CRB1: variants seen among roughly 807,000 people sequenced by gnomAD.
CRB1 encodes the protein crumbs cell polarity complex component 1, also known as protein crumbs homolog 1.
CRB1 carries 83 observed loss-of-function variants against 120.0 expected under a neutral mutation model. The ratio of observed to expected loss-of-function variants is 0.69; its 90% CI spans 0.58 to 0.83. CRB1 has a LOEUF of 0.83. Among genes scored for constraint, CRB1 ranks in the 40% least tolerant of loss-of-function variants. CRB1 has a pLI of 0.00. For synonymous variants in CRB1, 625 were observed against 612.5 expected, an observed-to-expected ratio of 1.02 and a Z score of -0.30; for missense variants, 1,699 against 1,687.6, an observed-to-expected ratio of 1.01 and a Z score of -0.12.
intron 11 of CRB1, among the ~76,000 whole-genome samples, chr1:197,468,982 AC>A (rs1003503420): frequency 6.6e-6 from 1 of 151,210 alleles, no homozygotes; most frequent in Non-Finnish European, 1.5e-5. Flanking sequence ...CTCTGCTGGA[AC>A]CCCCCGGCCC....
At chr1:197,229,220 C>G in the CRB1 span, among the ~76,000 whole-genome samples, 1 of 152,262 alleles carries the variant, frequency 6.6e-6, no homozygotes, top group African/African-American at 2.4e-5. Context: ...CGTAGTAGCT[C>G]AAACTGACAG....
In CRB1 at chr1:197,294,508, A is replaced by G. The variant is rs372218724; in HGVS notation, c.70+26026A>G. ...TGGAAGACAGTGTGGAAATTCCTCA[A>G]GGATCTAGAACTAGAAATACCATTT... On this transcript the variant is annotated intron_variant, in intron 1 of 11. Coordinates refer to ENST00000367400, the MANE Select transcript of CRB1 (RefSeq NM_201253.3). Among the ~76,000 whole-genome samples, 103 of 152,266 alleles carry G rather than the reference A, an allele frequency of 6.8e-4. 3 individuals carry two copies. In the South Asian group the frequency reaches 0.021, roughly 31 times the overall value.
intron 1 of CRB1, among the ~76,000 whole-genome samples, chr1:197,291,225 G>C (rs1187522900): frequency 6.6e-6 from 1 of 151,744 alleles, no homozygotes; most frequent in Non-Finnish European, 1.5e-5. Context: ...TTTAAATAAA[G>C]ATGTTAATAA....
intron 5 of CRB1, among the ~76,000 whole-genome samples, chr1:197,419,714 C>T (rs1664186596): frequency 6.6e-6 from 1 of 151,376 alleles, no homozygotes; most frequent in Non-Finnish European, 1.5e-5. Flanking sequence ...GTGGCTCACA[C>T]CTGTAATCCC....
chr1:197,402,855 A>G (rs553497389), intron 5 of CRB1, among the ~76,000 whole-genome samples: 1 of 152,210 alleles, frequency 6.6e-6, no homozygotes, highest in South Asian at 2.1e-4. Flanking sequence ...CCAGTTTTCC[A>G]CTTTTCTGCC....
At position 197,379,489 on chromosome 1, in the gene CRB1, A is replaced by G. The variant is rs368508620; in HGVS notation, c.1171+22476A>G. 4.6e-5 allele frequency among the ~76,000 whole-genome samples: 7 copies of G among 151,348 alleles called. No individual in the cohort carries two copies. The East Asian group carries it at 1.4e-3, about 30-fold the overall frequency. On this transcript the variant is annotated intron_variant, in intron 5 of 11. Coordinates refer to ENST00000367400, the MANE Select transcript of CRB1 (RefSeq NM_201253.3). The stretch of plus-strand genomic sequence containing the variant: ...AAATTTTTTTGTATTTTTAGTGGAG[A>G]CAGGGTTTCACCGTGTTAGCCAGGA...
chr1:197,212,355 C>T, the CRB1 span, among the ~76,000 whole-genome samples: 1 of 152,116 alleles, frequency 6.6e-6, no homozygotes, highest in African/African-American at 2.4e-5. Flanking sequence ...TAGCCAAACA[C>T]TGGAAACAAC....
chr1:197,473,977 G>A (rs1667097054), intron 11 of CRB1, among the ~76,000 whole-genome samples: 1 of 152,160 alleles, frequency 6.6e-6, no homozygotes, highest in Admixed American at 6.5e-5. Flanking sequence ...GATACAGTTA[G>A]GGGAACTCTT....
intron 5 of CRB1, among the ~76,000 whole-genome samples, chr1:197,419,873 G>A (rs1344056381): frequency 6.6e-6 from 1 of 151,526 alleles, no homozygotes; most frequent in African/African-American, 2.4e-5. Context: ...TACTCGGGAG[G>A]CTGAGGCAGG....
At chr1:197,316,270 C>A (rs536219274) in intron 1 of CRB1, among the ~76,000 whole-genome samples, 121 of 152,206 alleles carry the variant, frequency 7.9e-4, no homozygotes, top group African/African-American at 2.7e-3. Context: ...CTGCAAGCTC[C>A]GCCTCCCGGG....
intron 5 of CRB1, among the ~76,000 whole-genome samples, chr1:197,381,390 A>G (rs899641316): frequency 3.3e-5 from 5 of 152,242 alleles, no homozygotes; most frequent in African/African-American, 1.2e-4. Flanking sequence ...TCAAATTATA[A>G]TAAACATGCA....
chr1:197,328,855 TG>T lies in CRB1; in HGVS notation c.506del (p.Gly169ValfsTer37), dbSNP rs1167867158. 8 of 1,613,850 alleles carry T rather than the reference TG, an allele frequency of 5.0e-6. No individual in the cohort carries two copies. The highest frequency in any genetic ancestry group is 5.9e-6 in the Non-Finnish European group (7 of 1,179,796). ...GGGCCGTGTGCCAGGATGGAATTGA[TG>T]GTTACTCCTGCTTCTGTGTCCCAGG... ...NGAVCQDGID[G>X]YSCFCVPGYQ... On this transcript the variant is annotated frameshift_variant, in exon 2 of 12. Coordinates refer to ENST00000367400, the MANE Select transcript of CRB1 (RefSeq NM_201253.3). LOFTEE classifies it high-confidence loss of function.
intron 5 of CRB1, among the ~76,000 whole-genome samples, chr1:197,370,990 A>G (rs1425912037): frequency 6.6e-6 from 1 of 152,172 alleles, no homozygotes; most frequent in East Asian, 1.9e-4. Flanking sequence ...TATCGCTGAT[A>G]ACCTTCCTAA....
the CRB1 span, among the ~76,000 whole-genome samples, chr1:197,261,151 A>T: frequency 6.6e-6 from 1 of 152,212 alleles, no homozygotes; most frequent in Admixed American, 6.5e-5. Flanking sequence ...ATTAATTTTT[A>T]AAAATCTATA....
chr1:197,414,867 T>C (rs1206731577), intron 5 of CRB1, among the ~76,000 whole-genome samples: 1 of 152,188 alleles, frequency 6.6e-6, no homozygotes, highest in East Asian at 1.9e-4. Context: ...TTATTTTACA[T>C]TGGACATGTC....
rs142138220 is a variant in CRB1 at position 197,414,090 on chromosome 1, CAG to C, written c.1172-6908_1172-6907del. On this transcript the variant is annotated intron_variant, in intron 5 of 11. Coordinates refer to ENST00000367400, the MANE Select transcript of CRB1 (RefSeq NM_201253.3). ...TAGCAACTATTGTTTAATGCTATAA[CAG>C]ATATTACTATCAAATGAAAATTCAA... 6.6e-3 allele frequency: 1,619 copies of C among 243,980 alleles called. 22 individuals carry two copies. Among genetic ancestry groups the C allele is most frequent in the African/African-American group, 0.034 (1,490 of 44,250 alleles). 15.1% of individuals were successfully genotyped at this position (243,980 alleles called of 1,614,324 possible).
At position 197,452,412 on chromosome 1, in the gene CRB1, G is replaced by T. The variant is rs567643491; in HGVS notation, c.4005+10120G>T. Among the ~76,000 whole-genome samples, 12 of 152,214 alleles carry T rather than the reference G, an allele frequency of 7.9e-5. No individual in the cohort carries two copies. The South Asian group carries it at 1.9e-3, about 24-fold the overall frequency. On this transcript the variant is annotated intron_variant, in intron 11 of 11. Coordinates refer to ENST00000367400, the MANE Select transcript of CRB1 (RefSeq NM_201253.3). ...AAGTACTTTAAAGAAATATGATGAC[G>T]AATATCAATTGTCATTATATAGGCC...
the CRB1 span, among the ~76,000 whole-genome samples, chr1:197,226,435 T>G: frequency 1.3e-5 from 2 of 152,226 alleles, no homozygotes; most frequent in Non-Finnish European, 2.9e-5. Flanking sequence ...ATTAAAATAC[T>G]TTAGTTTTTG....
chr1:197,475,709 G>A lies in CRB1; in HGVS notation c.4006-1955G>A, dbSNP rs527786301. Reference sequence around the variant, plus strand: ...CTTAACAAGACCCTTCTACTTTATAGTATTTTCTCTCACCAACTCTTTTCA... The same window carrying A: ...CTTAACAAGACCCTTCTACTTTATAATATTTTCTCTCACCAACTCTTTTCA... On this transcript the variant is annotated intron_variant, in intron 11 of 11. Coordinates refer to ENST00000367400, the MANE Select transcript of CRB1 (RefSeq NM_201253.3). 1.7e-4 allele frequency among the ~76,000 whole-genome samples: 26 copies of A among 152,196 alleles called. No homozygotes were observed. The South Asian group carries it at 2.3e-3, about 13-fold the overall frequency.
Sources: gnomAD v4.1 joint callset for allele counts (sites outside exome capture counted in the v4.1 genomes callset) on GRCh38, gnomAD v4.1.1 for gene constraint, MANE v1.5 for transcripts, NCBI Gene and HGNC (gene_info 2026-07-23, HGNC 2026-07-21) for gene names.